KIF26B: variants seen among roughly 807,000 people sequenced by gnomAD.
KIF26B encodes kinesin family member 26B.
A neutral mutation model predicts 151.2 loss-of-function variants in KIF26B; 63 were observed. The observed-to-expected ratio is 0.42, with a 90% CI of 0.34 to 0.51. The LOEUF (loss-of-function observed/expected upper bound fraction) is 0.51. KIF26B is among the 20% of genes least tolerant of loss of function. The pLI is 0.07. For synonymous variants in KIF26B, 1,357 were observed against 1,262.1 expected, an observed-to-expected ratio of 1.08 and a Z score of -1.59; for missense variants, 2,813 against 2,913.6, an observed-to-expected ratio of 0.97 and a Z score of 0.79.
intron 4 of KIF26B, among the ~76,000 whole-genome samples, chr1:245,469,435 A>G (rs1298303422): frequency 6.6e-6 from 1 of 152,172 alleles, no homozygotes; most frequent in South Asian, 2.1e-4. Context: ...ATAAAAAAAG[A>G]TGGGGGTTAT....
At chr1:245,161,790 T>C (rs1042078821) in intron 2 of KIF26B, among the ~76,000 whole-genome samples, 1 of 152,168 alleles carries the variant, frequency 6.6e-6, no homozygotes, top group African/African-American at 2.4e-5. Flanking sequence ...CACTTTCCCC[T>C]AGAAGCTGTT....
At chr1:245,530,744 A>G (rs1042304436) in intron 4 of KIF26B, among the ~76,000 whole-genome samples, 12 of 152,216 alleles carry the variant, frequency 7.9e-5, no homozygotes, top group African/African-American at 2.7e-4. Context: ...TGTGGAGCCA[A>G]TATAAAGTTA....
chr1:245,415,693 G>C (rs1404300942), intron 3 of KIF26B, among the ~76,000 whole-genome samples: 1 of 151,970 alleles, frequency 6.6e-6, no homozygotes, highest in Admixed American at 6.6e-5. Context: ...AATGGAAGTT[G>C]CTTTTGGAGC....
At chr1:245,424,457 C>T (rs548361472) in intron 4 of KIF26B, among the ~76,000 whole-genome samples, 13 of 152,212 alleles carry the variant, frequency 8.5e-5, no homozygotes, top group South Asian at 6.2e-4. Context: ...TATATATTTA[C>T]GGAGTAAAAT....
At chr1:245,604,120 G>A (rs553698359) in intron 6 of KIF26B, among the ~76,000 whole-genome samples, 75 of 152,268 alleles carry the variant, frequency 4.9e-4, no homozygotes, top group African/African-American at 1.5e-3. Context: ...TTGCAGAAAT[G>A]AATAACCCAG....
intron 2 of KIF26B, among the ~76,000 whole-genome samples, chr1:245,243,992 T>C (rs1670264795): frequency 6.6e-6 from 1 of 152,232 alleles, no homozygotes; most frequent in Non-Finnish European, 1.5e-5. Flanking sequence ...CAGGTTGGAA[T>C]ACAGTGGTGT....
At chr1:245,277,474 C>T (rs534469615) in intron 2 of KIF26B, among the ~76,000 whole-genome samples, 1 of 152,294 alleles carries the variant, frequency 6.6e-6, no homozygotes, top group East Asian at 1.9e-4. Flanking sequence ...GCTCTTGGTG[C>T]CCCCTGCAGG....
In KIF26B at chr1:245,565,602, T is replaced by C. The variant is rs1174057557; in HGVS notation, c.1350+24652T>C. Reference sequence around the variant, plus strand: ...ACTGCGCCGAGCCTCTGATGCGTTCTTGCCGGTCATTTGTACAGTGTTGCT... The same window carrying C: ...ACTGCGCCGAGCCTCTGATGCGTTCCTGCCGGTCATTTGTACAGTGTTGCT... On this transcript the variant is annotated intron_variant, in intron 5 of 14. Coordinates refer to ENST00000407071, the MANE Select transcript of KIF26B (RefSeq NM_018012.4). Among the ~76,000 whole-genome samples the C allele has an allele frequency of 4.6e-5, 7 of 152,210 alleles. No individual in the cohort carries two copies. The East Asian group carries it at 1.3e-3, about 29-fold the overall frequency.
chr1:245,674,025 G>T (rs1444163830), intron 10 of KIF26B: 1 of 152,224 alleles, frequency 6.6e-6, no homozygotes. Flanking sequence ...CATTGCTGCA[G>T]AGATCTCTGG....
chr1:245,303,449 C>CT (rs1558381771), intron 2 of KIF26B, among the ~76,000 whole-genome samples: 1 of 151,852 alleles, frequency 6.6e-6, no homozygotes, highest in Non-Finnish European at 1.5e-5. Flanking sequence ...CCGCCCGCCT[C>CT]GGCCTCCCAA....
Position 245,295,765 on chromosome 1 carries a change from A to G in KIF26B, c.466-71069A>G, listed in dbSNP as rs528643272. Among the ~76,000 whole-genome samples the G allele has an allele frequency of 3.3e-5, 5 of 152,352 alleles. No homozygotes were observed. The East Asian group carries it at 9.6e-4, about 29-fold the overall frequency. ...TGGAAGTAAGATATCCTGTAAGTCCATTTAGAAAAAATTCTTCCAACTAGT... is the reference window on the plus strand; with the variant it reads ...TGGAAGTAAGATATCCTGTAAGTCCGTTTAGAAAAAATTCTTCCAACTAGT... On this transcript the variant is annotated intron_variant, in intron 2 of 14. Coordinates refer to ENST00000407071, the MANE Select transcript of KIF26B (RefSeq NM_018012.4).
chr1:245,693,459 C>G (rs1477196062), intron 12 of KIF26B, among the ~76,000 whole-genome samples: 1 of 152,190 alleles, frequency 6.6e-6, no homozygotes, highest in Non-Finnish European at 1.5e-5. Flanking sequence ...CGGCACAGTC[C>G]TGAAAGTTTA....
chr1:245,213,075 G>C lies in KIF26B; in HGVS notation c.465+56392G>C, dbSNP rs527762168. Among the ~76,000 whole-genome samples, 26 of 152,320 alleles carry C rather than the reference G, an allele frequency of 1.7e-4. No individual in the cohort carries two copies. The South Asian group carries it at 5.2e-3, about 30-fold the overall frequency. ...AGCAAATAAAACCCTAAGGTAGCCA[G>C]AGTGCTGTTTTTTCCAATTAACCTT... On this transcript the variant is annotated intron_variant, in intron 2 of 14. Transcript: ENST00000407071.
At chr1:245,649,424 G>A (rs933356183) in intron 10 of KIF26B, among the ~76,000 whole-genome samples, 5 of 152,168 alleles carry the variant, frequency 3.3e-5, no homozygotes, top group African/African-American at 1.2e-4. Context: ...CACTGCGCAC[G>A]GCAGGGGAGC....
chr1:245,297,100 T>A (rs1388269022), intron 2 of KIF26B, among the ~76,000 whole-genome samples: 1 of 50,066 alleles, frequency 2.0e-5, no homozygotes, highest in East Asian at 1.2e-3. Flanking sequence ...CCCAACACTT[T>A]GGGAGGCCAA....
At chr1:245,656,275 C>T (rs2147929322) in intron 10 of KIF26B, among the ~76,000 whole-genome samples, 1 of 152,268 alleles carries the variant, frequency 6.6e-6, no homozygotes, top group East Asian at 1.9e-4. Flanking sequence ...CGGTGATTCT[C>T]AAGCTCTCTC....
intron 5 of KIF26B, among the ~76,000 whole-genome samples, chr1:245,555,506 A>G (rs2103112288): frequency 6.6e-6 from 1 of 152,220 alleles, no homozygotes; most frequent in Admixed American, 6.5e-5. Flanking sequence ...AACTTCCAGG[A>G]GGGAGCTCAG....
intron 8 of KIF26B, among the ~76,000 whole-genome samples, chr1:245,610,818 T>C (rs1356914102): frequency 6.6e-6 from 1 of 152,222 alleles, no homozygotes; most frequent in Non-Finnish European, 1.5e-5. Flanking sequence ...CACAAAAGAA[T>C]CTCTCTTTGA....
At chr1:245,407,070 A>G (rs1202949786) in intron 3 of KIF26B, among the ~76,000 whole-genome samples, 1 of 152,114 alleles carries the variant, frequency 6.6e-6, no homozygotes, top group African/African-American at 2.4e-5. Flanking sequence ...TGACAGGTGT[A>G]AGCCACTGTG....
Sources: gnomAD v4.1 joint callset for allele counts (sites outside exome capture counted in the v4.1 genomes callset) on GRCh38, gnomAD v4.1.1 for gene constraint, MANE v1.5 for transcripts, NCBI Gene and HGNC (gene_info 2026-07-23, HGNC 2026-07-21) for gene names.